Variants in PTHLH observed in about 807,000 individuals in gnomAD.
The protein encoded by PTHLH is parathyroid hormone-related protein.
In PTHLH, 5 loss-of-function variants were observed where a neutral mutation model predicts 18.6. The ratio of observed to expected loss-of-function variants is 0.27; its 90% CI spans 0.14 to 0.56. The LOEUF (loss-of-function observed/expected upper bound fraction) is 0.56. PTHLH is among the 20% of genes least tolerant of loss of function. PTHLH has a pLI of 0.92. For missense variants in PTHLH, 207 were observed against 223.9 expected (o/e 0.92, Z 0.48); for synonymous variants, 90 against 94.0 (o/e 0.96, Z 0.25).
intron 5 of PTHLH, among the ~76,000 whole-genome samples, chr12:27,961,315 ATATATACG>A (rs2062757195): frequency 8.4e-6 from 1 of 118,548 alleles, no homozygotes; most frequent in African/African-American, 2.9e-5. Context: ...ATATATATAT[ATATATACG>A]TATATATATA....
intron 4 of PTHLH, 89 bp downstream of exon 4, chr12:27,969,305 C>A: frequency 7.7e-7 from 1 of 1,300,118 alleles, no homozygotes. Context: ...GCATCGGTGA[C>A]CGCTGCAAGC....
At chr12:27,970,536 C>T (rs552871230) in intron 2 of PTHLH, among the ~76,000 whole-genome samples, 1 of 151,936 alleles carries the variant, frequency 6.6e-6, no homozygotes, top group South Asian at 2.1e-4. Flanking sequence ...GGCCCTGTCG[C>T]GCCATCCCCG....
Position 27,963,489 on chromosome 12 carries a change from C to T in PTHLH, c.383G>A (p.Gly128Asp), listed in dbSNP as rs1366080911. The T allele has an allele frequency of 6.2e-7, 1 of 1,614,088 alleles. No individual in the cohort carries two copies. Among genetic ancestry groups the T allele is most frequent in the Non-Finnish European group, 8.5e-7 (1 of 1,180,016 alleles). Residue 128 changes from glycine (G) to aspartate (D), a missense_variant, in exon 5 of 6, where the codon GGC (glycine) becomes GAC (aspartate). Coordinates refer to ENST00000545234, the MANE Select transcript of PTHLH (RefSeq NM_198965.2). ...PLKTPGKKKK[G>D]KPGKRKEQEK... ...CTGCTCCTTGCGTTTCCCGGGCTTGCCTTTCTTTTTCTTCCCAGGTGTCTT... is the reference window on the plus strand; with the variant it reads ...CTGCTCCTTGCGTTTCCCGGGCTTGTCTTTCTTTTTCTTCCCAGGTGTCTT...
In PTHLH at chr12:27,969,023, C is replaced by T. The variant is rs1488473847; in HGVS notation, c.101+371G>A. On this transcript the variant is annotated intron_variant, in intron 4 of 5. Coordinates refer to ENST00000545234, the MANE Select transcript of PTHLH (RefSeq NM_198965.2). ...ATACAAGCGCGCAGGCCATACGTCC[C>T]CAGGACCGCTCAGCTTCCTCCGAGT... 1.7e-5 allele frequency: 5 copies of T among 288,966 alleles called. No individual in the cohort carries two copies. In the Admixed American group the frequency reaches 2.3e-4, roughly 13 times the overall value. 17.9% of individuals were successfully genotyped at this position (288,966 alleles called of 1,614,324 possible).
intron 2 of PTHLH, 40 bp from the exon 3 acceptor site, chr12:27,970,307 T>A: frequency 4.2e-6 from 1 of 240,568 alleles, no homozygotes; most frequent in Non-Finnish European, 8.5e-6. Flanking sequence ...GGTGGCGCCC[T>A]AGGAACGCGC....
At chr12:27,967,511 A>G (rs1470169250) in intron 4 of PTHLH, among the ~76,000 whole-genome samples, 3 of 152,232 alleles carry the variant, frequency 2.0e-5, no homozygotes, top group Non-Finnish European at 2.9e-5. Context: ...ATAATGGTAG[A>G]CTTATGTTTT....
intron 4 of PTHLH, among the ~76,000 whole-genome samples, chr12:27,968,334 G>A (rs1216320825): frequency 6.6e-6 from 1 of 152,050 alleles, no homozygotes; most frequent in Non-Finnish European, 1.5e-5. Context: ...GTACACCCTC[G>A]GGAATTTACA....
chr12:27,959,866 T>A (rs1014595524), intron 5 of PTHLH, among the ~76,000 whole-genome samples: 1 of 152,216 alleles, frequency 6.6e-6, no homozygotes, highest in African/African-American at 2.4e-5. Flanking sequence ...GCCAAAAAGA[T>A]GACCTCAAAA....
chr12:27,958,638 T>C, intron 5 of PTHLH, 70 bp from the exon 6 acceptor site: 1 of 1,416,664 alleles, frequency 7.1e-7, no homozygotes, highest in Non-Finnish European at 9.7e-7. Context: ...AAACATAAAA[T>C]ATAAAGGATA....
intron 5 of PTHLH, chr12:27,962,253 T>TAGAC (rs2062768786): frequency 3.3e-6 from 1 of 301,286 alleles, no homozygotes; most frequent in Non-Finnish European, 6.1e-6. Context: ...GATAGATAGA[T>TAGAC]AGATAGATAG....
At chr12:27,960,984 T>C (rs913346785) in intron 5 of PTHLH, among the ~76,000 whole-genome samples, 10 of 152,008 alleles carry the variant, frequency 6.6e-5, no homozygotes, top group African/African-American at 2.4e-4. Context: ...CTCTGTTGGA[T>C]TGTGTTGGGA....
chr12:27,964,295 C>CAT (rs1309814191), intron 4 of PTHLH, among the ~76,000 whole-genome samples: 6 of 151,596 alleles, frequency 4.0e-5, no homozygotes, highest in African/African-American at 1.5e-4. Context: ...CACACACACA[C>CAT]ACGCCCCATT....
Position 27,963,736 on chromosome 12 carries a change from C to T in PTHLH, c.136G>A (p.Asp46Asn). The change falls in exon 5 of 6, where the codon GAC (aspartate) becomes AAC (asparagine). Residue 46 changes from aspartate to asparagine, a missense_variant. By Grantham distance (23) the Asp-to-Asn change is conservative. Coordinates refer to ENST00000545234, the MANE Select transcript of PTHLH (RefSeq NM_198965.2). ...RAVSEHQLLH[D>N]KGKSIQDLRR... The stretch of plus-strand genomic sequence containing the variant: ...AAATCTTGGATGGACTTCCCCTTGT[C>T]ATGGAGGAGCTGATGTTCAGACACA... The T allele has an allele frequency of 6.2e-7, 1 of 1,613,794 alleles. No individual in the cohort carries two copies. The highest frequency in any genetic ancestry group is 8.5e-7 in the Non-Finnish European group (1 of 1,179,944).
intron 5 of PTHLH, among the ~76,000 whole-genome samples, chr12:27,960,936 A>G (rs796645949): frequency 7.9e-5 from 12 of 152,090 alleles, no homozygotes; most frequent in African/African-American, 2.9e-4. Context: ...ATACATTCTC[A>G]TCAATACACT....
chr12:27,966,347 C>T (rs2120651191), intron 4 of PTHLH, among the ~76,000 whole-genome samples: 1 of 152,324 alleles, frequency 6.6e-6, no homozygotes, highest in East Asian at 1.9e-4. Context: ...TTGGAAAACA[C>T]AAGTTTTCTT....
chr12:27,958,680 G>A, intron 5 of PTHLH, 112 bp from the exon 6 acceptor site: 1 of 1,017,064 alleles, frequency 9.8e-7, no homozygotes, highest in Non-Finnish European at 1.4e-6. Flanking sequence ...ACAATGGAAA[G>A]AGATTCAGGG....
chr12:27,966,325 A>C (rs2062813032), intron 4 of PTHLH, among the ~76,000 whole-genome samples: 1 of 152,254 alleles, frequency 6.6e-6, no homozygotes, highest in Non-Finnish European at 1.5e-5. Flanking sequence ...TTTGGGGGAA[A>C]CTGTTAGTAT....
intron 4 of PTHLH, chr12:27,969,188 G>A (rs1026570702): frequency 2.4e-5 from 14 of 593,862 alleles, no homozygotes; most frequent in East Asian, 2.2e-4. Flanking sequence ...TCTCTCTCTT[G>A]CCTGTCTCCC....
intron 4 of PTHLH, 117 bp downstream of exon 4, chr12:27,969,277 C>T: frequency 7.6e-6 from 8 of 1,049,430 alleles, no homozygotes; most frequent in South Asian, 4.5e-5. Flanking sequence ...TGGTCCCTCT[C>T]CCTAACCCGG....
Sources: gnomAD v4.1 joint callset for allele counts (sites outside exome capture counted in the v4.1 genomes callset) on GRCh38, gnomAD v4.1.1 for gene constraint, MANE v1.5 for transcripts, NCBI Gene and HGNC (gene_info 2026-07-23, HGNC 2026-07-21) for gene names.